The following TBC1D5 variants were observed in gnomAD, a reference collection of about 807,000 sequenced individuals.
TBC1D5 encodes TBC1 domain family member 5.
Under a neutral mutation model 100.3 loss-of-function variants are expected in TBC1D5, and 75 were observed. The observed-to-expected ratio is 0.75, with a 90% CI of 0.62 to 0.91. The LOEUF (loss-of-function observed/expected upper bound fraction) is 0.91, where lower values mean the gene tolerates loss of function less well. TBC1D5 is among the 40% of genes least tolerant of loss of function. TBC1D5 has a pLI of 0.00. For missense variants in TBC1D5, 910 were observed against 942.4 expected, an observed-to-expected ratio of 0.97 and a Z score of 0.45; for synonymous variants, 323 against 325.6, an observed-to-expected ratio of 0.99 and a Z score of 0.09.
chr3:17,161,924 C>T (rs768982766), intron 21 of TBC1D5, among the ~76,000 whole-genome samples: 12 of 152,102 alleles, frequency 7.9e-5, no homozygotes, highest in South Asian at 6.2e-4. Context: ...AAACCAAGAA[C>T]GGCAATTGCA....
At chr3:17,419,147 C>T (rs1262995870) in intron 4 of TBC1D5, among the ~76,000 whole-genome samples, 1 of 152,202 alleles carries the variant, frequency 6.6e-6, no homozygotes, top group Non-Finnish European at 1.5e-5. Flanking sequence ...CTCTTATACA[C>T]ATACGTCTGT....
chr3:17,611,152 G>A (rs1375346115), intron 2 of TBC1D5, among the ~76,000 whole-genome samples: 1 of 152,172 alleles, frequency 6.6e-6, no homozygotes, highest in African/African-American at 2.4e-5. Context: ...TCTAGCTCAT[G>A]CAGTGGGTTA....
At chr3:17,531,165 G>T (rs1026050991) in intron 2 of TBC1D5, among the ~76,000 whole-genome samples, 13 of 152,118 alleles carry the variant, frequency 8.5e-5, no homozygotes, top group Admixed American at 6.5e-4. Context: ...TGTGCAAAAA[G>T]CACAAGCATT....
intron 14 of TBC1D5, among the ~76,000 whole-genome samples, chr3:17,302,375 G>C (rs1220468993): frequency 6.6e-6 from 1 of 152,076 alleles, no homozygotes; most frequent in Non-Finnish European, 1.5e-5. Flanking sequence ...TATTGGATTA[G>C]TATGACCTCA....
intron 1 of TBC1D5, among the ~76,000 whole-genome samples, chr3:17,680,228 A>T (rs2069261574): frequency 6.7e-6 from 1 of 149,740 alleles, no homozygotes; most frequent in South Asian, 2.1e-4. Flanking sequence ...GAATATATGT[A>T]TATTCGCTTT....
rs760711564 is a variant in TBC1D5, at chr3:17,308,001, G to A, written c.1129C>T (p.Arg377Ter). The change falls in exon 14 of 22, where the codon CGA becomes TGA. Residue 377 changes from arginine to a stop codon, truncating the protein, a stop_gained. Transcript: ENST00000253692. LOFTEE classifies it high-confidence loss of function. ...GGTCATTAATACTTACAAGCATCTC[G>A]GATGTAAAGTAACATGGCTACGAAG... The A allele has an allele frequency of 1.2e-6, 2 of 1,601,680 alleles. No individual in the cohort carries two copies. Among genetic ancestry groups the A allele is most frequent in the Non-Finnish European group, 1.7e-6 (2 of 1,176,410 alleles).
chr3:17,486,717 T>C (rs193262072), intron 3 of TBC1D5, among the ~76,000 whole-genome samples: 4 of 152,282 alleles, frequency 2.6e-5, no homozygotes, highest in African/African-American at 9.6e-5. Context: ...CACTGTGGCA[T>C]TTTAAGTAGC....
intron 19 of TBC1D5, among the ~76,000 whole-genome samples, chr3:17,183,123 A>G (rs1318276458): frequency 6.6e-6 from 1 of 152,100 alleles, no homozygotes; most frequent in Non-Finnish European, 1.5e-5. Context: ...CCAACTGGAG[A>G]GTATCTCAGA....
At chr3:17,221,178 TAGC>T (rs1212053372) in intron 17 of TBC1D5, among the ~76,000 whole-genome samples, 1 of 143,584 alleles carries the variant, frequency 7.0e-6, no homozygotes, top group African/African-American at 2.7e-5. Context: ...TTACCTTACA[TAGC>T]AGAAGAGACT....
At chr3:17,449,945 T>A (rs916265735) in intron 3 of TBC1D5, among the ~76,000 whole-genome samples, 3 of 152,110 alleles carry the variant, frequency 2.0e-5, no homozygotes, top group Admixed American at 1.3e-4. Flanking sequence ...GGGAGACATC[T>A]CCCAGCAGGG....
intron 3 of TBC1D5, among the ~76,000 whole-genome samples, chr3:17,470,139 G>A (rs903747593): frequency 1.3e-5 from 2 of 152,150 alleles, no homozygotes; most frequent in African/African-American, 4.8e-5. Flanking sequence ...GTTCATTTTT[G>A]CTACTTGCAT....
At chr3:17,308,665 T>G (rs921827983) in intron 13 of TBC1D5, among the ~76,000 whole-genome samples, 16 of 152,168 alleles carry the variant, frequency 1.1e-4, no homozygotes, top group Non-Finnish European at 1.6e-4. Flanking sequence ...TAACCATTTT[T>G]TTGGTCAAGC....
intron 3 of TBC1D5, among the ~76,000 whole-genome samples, chr3:17,454,347 G>A (rs957144619): frequency 6.6e-6 from 1 of 151,918 alleles, no homozygotes; most frequent in East Asian, 1.9e-4. Context: ...GTTTGCAAAT[G>A]ATATGATCTT....
At chr3:17,394,650 A>T (rs900258113) in intron 8 of TBC1D5, among the ~76,000 whole-genome samples, 3 of 152,140 alleles carry the variant, frequency 2.0e-5, no homozygotes, top group Non-Finnish European at 4.4e-5. Flanking sequence ...TATATTAAAG[A>T]ACAGAAGAGG....
intron 13 of TBC1D5, among the ~76,000 whole-genome samples, chr3:17,371,496 G>A (rs1304631122): frequency 6.6e-6 from 1 of 152,064 alleles, no homozygotes; most frequent in Non-Finnish European, 1.5e-5. Flanking sequence ...ATTTCACTGT[G>A]AAATATGTGT....
chr3:17,647,282 C>G (rs538495698), intron 1 of TBC1D5, among the ~76,000 whole-genome samples: 30 of 152,136 alleles, frequency 2.0e-4, no homozygotes, highest in African/African-American at 6.3e-4. Context: ...AAGTTCCTAC[C>G]CTCATGAAGC....
chr3:17,240,211 G>A (rs2149075633), intron 16 of TBC1D5, among the ~76,000 whole-genome samples: 1 of 152,192 alleles, frequency 6.6e-6, no homozygotes, highest in African/African-American at 2.4e-5. Flanking sequence ...CTAATGTTAT[G>A]GGCTAGGTAT....
intron 3 of TBC1D5, among the ~76,000 whole-genome samples, chr3:17,479,127 G>A (rs999032317): frequency 1.3e-5 from 2 of 152,180 alleles, no homozygotes; most frequent in African/African-American, 2.4e-5. Flanking sequence ...AAGGCTGGAC[G>A]TGGCGGCTCA....
At chr3:17,551,692 A>C (rs2096475037) in intron 2 of TBC1D5, among the ~76,000 whole-genome samples, 1 of 152,166 alleles carries the variant, frequency 6.6e-6, no homozygotes, top group Non-Finnish European at 1.5e-5. Flanking sequence ...TTCTCAATAC[A>C]TTTGAAAACT....
Sources: allele counts gnomAD v4.1 joint callset (sites outside exome capture counted in the v4.1 genomes callset), GRCh38; gene constraint gnomAD v4.1.1; transcripts MANE v1.5; gene names NCBI Gene and HGNC (gene_info 2026-07-23, HGNC 2026-07-21).